Variants in PCNX4 observed in about 807,000 individuals in gnomAD.
The protein encoded by PCNX4 is pecanex 4.
PCNX4 carries 103 observed loss-of-function variants against 107.2 expected under a neutral mutation model. That is an observed-to-expected ratio of 0.96 (90% CI 0.82 to 1.13). PCNX4 has a LOEUF of 1.13. Ranked by LOEUF, PCNX4 falls within the 50% of genes most tolerant of loss-of-function variation. The probability of loss-of-function intolerance (pLI) is 0.00; values close to 1 mark genes in which losing one functional copy is unlikely to be tolerated. For synonymous variants in PCNX4, 541 were observed against 481.7 expected, an observed-to-expected ratio of 1.12 and a Z score of -1.61; for missense variants, 1,528 against 1,379.4, an observed-to-expected ratio of 1.11 and a Z score of -1.71.
rs1254695032 is a variant in PCNX4 at position 60,136,669 on chromosome 14, G to GT, written c.*2449dup. 4 of 152,460 alleles carry GT rather than the reference G, an allele frequency of 2.6e-5. No homozygotes were observed. Among genetic ancestry groups the GT allele is most frequent in the Non-Finnish European group, 5.9e-5 (4 of 68,096 alleles). The allele number at this position is 152,460 out of a possible 1,614,324, so 9.4% of individuals were successfully genotyped here. A position where few individuals can be genotyped will look rare whatever the true frequency, so the allele number is the denominator to read the frequency against. On this transcript the variant is annotated 3_prime_UTR_variant, in exon 11 of 11. Transcript: ENST00000406854. ...GCCCACCGCTGCTTACAGGCTGGGC[G>GT]TACTTATAGGCATGGGTGAGAGGGG... is the stretch of plus-strand genomic sequence containing the variant.
At position 60,137,579 on chromosome 14, in the gene PCNX4, A is replaced by G. The variant is rs453730; in HGVS notation, c.*3358A>G. 137,588 of 152,250 alleles carry G rather than the reference A, an allele frequency of 0.9. 62,523 individuals carry two copies. The highest frequency in any genetic ancestry group is 1 in the East Asian group (5,165 of 5,176). The allele number at this position is 152,250 out of a possible 1,614,324, so 9.4% of individuals were successfully genotyped here. A position where few individuals can be genotyped will look rare whatever the true frequency, so the allele number is the denominator to read the frequency against. On this transcript the variant is annotated 3_prime_UTR_variant, in exon 11 of 11. Transcript: ENST00000406854. ...TATTTAAGGTATCTGAGGAAACAAGACAACATGATGAAAATCCGAAAGAAG... is the reference window on the plus strand; with the variant it reads ...TATTTAAGGTATCTGAGGAAACAAGGCAACATGATGAAAATCCGAAAGAAG...
chr14:60,129,825 A>C (rs1896122256), intron 10 of PCNX4, among the ~76,000 whole-genome samples: 1 of 152,198 alleles, frequency 6.6e-6, no homozygotes, highest in Non-Finnish European at 1.5e-5. Context: ...TCAACCATTG[A>C]GGAAATAACT....
At chr14:60,093,847 A>G (rs1198421030) in intron 1 of PCNX4, among the ~76,000 whole-genome samples, 1 of 152,176 alleles carries the variant, frequency 6.6e-6, no homozygotes, top group Non-Finnish European at 1.5e-5. Flanking sequence ...AGTCTCATGA[A>G]TACTTATTAT....
In PCNX4 at chr14:60,139,914, C is replaced by T. The variant is rs575392816; in HGVS notation, c.*5693C>T. On this transcript the variant is annotated 3_prime_UTR_variant, in exon 11 of 11. Transcript: ENST00000406854. ...CAAAACTTATGGTAGACGCCTAAAG[C>T]CATGCTTAGAAGGAAATTTATAGTC... is the stretch of plus-strand genomic sequence containing the variant. The T allele has an allele frequency of 6.6e-6, 1 of 151,088 alleles. No individual in the cohort carries two copies. The highest frequency in any genetic ancestry group is 2.1e-4 in the South Asian group (1 of 4,792). 9.4% of individuals were successfully genotyped at this position (151,088 alleles called of 1,614,324 possible). A position where few individuals can be genotyped will look rare whatever the true frequency, so the allele number is the denominator to read the frequency against.
intron 1 of PCNX4, among the ~76,000 whole-genome samples, chr14:60,099,933 C>G (rs1446331685): frequency 3.3e-5 from 5 of 151,942 alleles, no homozygotes; most frequent in African/African-American, 7.3e-5. Flanking sequence ...GGGGTGGTGG[C>G]TCATACCTTT....
At chr14:60,098,034 C>T (rs1895459031) in intron 1 of PCNX4, among the ~76,000 whole-genome samples, 2 of 152,162 alleles carry the variant, frequency 1.3e-5, no homozygotes, top group South Asian at 2.1e-4. Flanking sequence ...TAAGTTTCAC[C>T]TTGATCAAAA....
chr14:60,104,642 A>G (rs1390077002), intron 1 of PCNX4, among the ~76,000 whole-genome samples: 1 of 152,204 alleles, frequency 6.6e-6, no homozygotes, highest in Non-Finnish European at 1.5e-5. Flanking sequence ...TGGAAGGTGA[A>G]AGGCATGTTT....
At chr14:60,130,181 A>T (rs1896129066) in intron 10 of PCNX4, among the ~76,000 whole-genome samples, 1 of 152,042 alleles carries the variant, frequency 6.6e-6, no homozygotes, top group African/African-American at 2.4e-5. Context: ...CTTAAAAAAA[A>T]TAAACAAAAT....
chr14:60,118,451 A>G lies in PCNX4; in HGVS notation c.1701A>G (p.Ile567Met). Residue 567 changes from isoleucine to methionine, a missense_variant, in exon 7 of 11, where the codon ATA becomes ATG. Coordinates refer to ENST00000406854, the MANE Select transcript of PCNX4 (RefSeq NM_001330177.2). ...QRRKTTATLC[I>M]LNIVFSPFVL... ...GAAAAACAACTGCCACTTTATGTATACTCAACATTGTCTTTTCTCCATTCG... is the reference window on the plus strand; with the variant it reads ...GAAAAACAACTGCCACTTTATGTATGCTCAACATTGTCTTTTCTCCATTCG... 2 of 1,613,724 alleles carry G rather than the reference A, an allele frequency of 1.2e-6. No homozygotes were observed. Among genetic ancestry groups the G allele is most frequent in the Non-Finnish European group, 1.7e-6 (2 of 1,179,794 alleles).
At position 60,124,570 on chromosome 14, in the gene PCNX4, C is replaced by T. The variant is rs780272845; in HGVS notation, c.2399C>T (p.Thr800Ile). ...KAPLMLPALN[T>I]LPPPKSPEDI... ...CCTCTAATGTTGCCTGCTTTGAACA[C>T]TTTGCCACCTCCCAAATCCCCAGAA... The change falls in exon 9 of 11, where the codon ACT (threonine) becomes ATT (isoleucine). Residue 800 changes from threonine (T) to isoleucine (I), a missense_variant. Transcript: ENST00000406854. 2.5e-6 allele frequency: 4 copies of T among 1,613,824 alleles called. No homozygotes were observed. Among genetic ancestry groups the T allele is most frequent in the Non-Finnish European group, 3.4e-6 (4 of 1,179,780 alleles).
At chr14:60,123,887 A>G (rs1054462213) in intron 8 of PCNX4, among the ~76,000 whole-genome samples, 10 of 152,142 alleles carry the variant, frequency 6.6e-5, no homozygotes, top group African/African-American at 2.4e-4. Flanking sequence ...CTCCAGGATT[A>G]TAATTTAAAA....
chr14:60,125,369 A>G (rs937716307), intron 9 of PCNX4, 118 bp downstream of exon 9: 2 of 1,095,536 alleles, frequency 1.8e-6, no homozygotes, highest in African/African-American at 3.2e-5. Context: ...CTTTCTTCAA[A>G]ATGAAAAAAA....
intron 2 of PCNX4, chr14:60,108,682 CA>C (rs1337209482): frequency 1.2e-5 from 2 of 161,608 alleles, no homozygotes; most frequent in African/African-American, 5.0e-5. Context: ...AAAATTTATA[CA>C]TATAAATATT....
chr14:60,115,464 A>G lies in PCNX4; in HGVS notation c.1357+3A>G, dbSNP rs754752275. The G allele has an allele frequency of 6.6e-7, 1 of 1,517,550 alleles. No homozygotes were observed. The highest frequency in any genetic ancestry group is 8.8e-7 in the Non-Finnish European group (1 of 1,141,212). The allele number at this position is 1,517,550 out of a possible 1,614,324, so 94.0% of individuals were successfully genotyped here. A position where few individuals can be genotyped will look rare whatever the true frequency, so the allele number is the denominator to read the frequency against. ...CAGACGGATTTTGCTAACTTTAGGT[A>G]GGAAGATAAAGTCTATTAACCTTGT... is the stretch of plus-strand genomic sequence containing the variant. On this transcript the variant is annotated splice_donor_region_variant and intron_variant, in intron 4 of 10. Coordinates refer to ENST00000406854, the MANE Select transcript of PCNX4 (RefSeq NM_001330177.2).
chr14:60,107,932 A>G lies in PCNX4; in HGVS notation c.294A>G (p.Ser98=). ...CAAGTTTATACGCCAAAAACAAATC[A>G]ACAACAGTAGAAAGAATACTAACCA... ...QFTSLYAKNK[S]TTVERILTTD... is the part of the protein sequence containing the mutation. Residue 98 remains serine (S), a synonymous_variant, in exon 2 of 11, where the codon TCA becomes TCG. Coordinates refer to ENST00000406854, the MANE Select transcript of PCNX4 (RefSeq NM_001330177.2). The G allele has an allele frequency of 6.2e-7, 1 of 1,612,902 alleles. No homozygotes were observed. The highest frequency in any genetic ancestry group is 8.5e-7 in the Non-Finnish European group (1 of 1,179,886).
chr14:60,105,631 A>T (rs1403739125), intron 1 of PCNX4, among the ~76,000 whole-genome samples: 1 of 152,194 alleles, frequency 6.6e-6, no homozygotes, highest in Non-Finnish European at 1.5e-5. Flanking sequence ...CACTTCAGGT[A>T]CTGCACTGTT....
At position 60,114,770 on chromosome 14, in the gene PCNX4, T is replaced by A. The variant is rs1895808658; in HGVS notation, c.760T>A (p.Phe254Ile). 1 of 1,613,812 alleles carries A rather than the reference T, an allele frequency of 6.2e-7. No individual in the cohort carries two copies. The highest frequency in any genetic ancestry group is 8.5e-7 in the Non-Finnish European group (1 of 1,179,862). ...ILHILFVFLP[F>I]LWALGTLPPP... is the part of the protein sequence containing the mutation. ...ACACATCTTGTTTGTATTTTTACCC[T>A]TTCTGTGGGCACTTGGGACTCTGCC... Residue 254 changes from phenylalanine (F) to isoleucine (I), a missense_variant, in exon 3 of 11, where the codon TTT becomes ATT. By Grantham distance (21) the Phe-to-Ile change is conservative (BLOSUM62 0). Coordinates refer to ENST00000406854, the MANE Select transcript of PCNX4 (RefSeq NM_001330177.2).
intron 1 of PCNX4, among the ~76,000 whole-genome samples, chr14:60,095,979 C>G (rs545276887): frequency 7.9e-5 from 12 of 152,286 alleles, no homozygotes; most frequent in South Asian, 4.1e-4. Flanking sequence ...CCTTTCAGTT[C>G]ATTGACATAT....
In PCNX4 at chr14:60,125,131, A is replaced by G. The variant is rs1896029938; in HGVS notation, c.2960A>G (p.Asn987Ser). ...TCYFSLFGID[N>S]MAPSPGHILR... ...TATTTTAGTTTATTTGGAATAGACA[A>G]TATGGCTCCTAGTCCTGGTCATATA... is the stretch of plus-strand genomic sequence containing the variant. The change falls in exon 9 of 11, where the codon AAT becomes AGT. Residue 987 changes from asparagine to serine, a missense_variant. Asn to Ser is a conservative substitution (Grantham distance 46). Coordinates refer to ENST00000406854, the MANE Select transcript of PCNX4 (RefSeq NM_001330177.2). 3.7e-6 allele frequency: 6 copies of G among 1,613,108 alleles called. No individual in the cohort carries two copies. The highest frequency in any genetic ancestry group is 5.1e-6 in the Non-Finnish European group (6 of 1,179,428).
Sources: gnomAD v4.1 joint callset for allele counts (sites outside exome capture counted in the v4.1 genomes callset) on GRCh38, gnomAD v4.1.1 for gene constraint, MANE v1.5 for transcripts, NCBI Gene and HGNC (gene_info 2026-07-23, HGNC 2026-07-21) for gene names.